The following LRCH4 variants were observed in gnomAD, a reference collection of about 807,000 sequenced individuals.
LRCH4 encodes the protein leucine rich repeats and calponin homology domain containing 4.
LRCH4 carries 56 observed loss-of-function variants against 81.2 expected under a neutral mutation model. The ratio of observed to expected loss-of-function variants is 0.69; its 90% CI spans 0.56 to 0.86. LRCH4 has a LOEUF of 0.86. Ranked by LOEUF, LRCH4 falls within the 40% of genes least tolerant of loss-of-function variation. The pLI is 0.00. For synonymous variants in LRCH4, 442 were observed against 409.7 expected (o/e 1.08, Z -0.95); for missense variants, 895 against 922.8 (o/e 0.97, Z 0.39).
At position 100,582,680 on chromosome 7, in the gene LRCH4, G is replaced by A. The variant is rs548285962; in HGVS notation, c.221-221C>T. ...GGAAGGCAAAGGCCTTAGCGTCACT[G>A]GGCTAGAGAAGCCTCAGACTTGGGG... On this transcript the variant is annotated intron_variant, in intron 1 of 17. Transcript: ENST00000310300. This position sits in a 1 kb window ranked among gnomAD's most constrained non-coding sequence, Gnocchi z 5.0. Among the ~76,000 whole-genome samples the A allele has an allele frequency of 7.2e-5, 11 of 152,334 alleles. No individual in the cohort carries two copies. The highest frequency in any genetic ancestry group is 1.3e-4 in the Non-Finnish European group (9 of 68,022).
chr7:100,580,101 C>G (rs1171379018), intron 4 of LRCH4: 1 of 152,270 alleles, frequency 6.6e-6, no homozygotes, highest in Non-Finnish European at 1.5e-5. Context: ...CCTGCCATGC[C>G]TGGCTCACCT....
At chr7:100,584,782 C>T (rs896624751) in intron 1 of LRCH4, 10 of 456,528 alleles carry the variant, frequency 2.2e-5, no homozygotes, top group African/African-American at 2.0e-4. Flanking sequence ...CTGAGTGTTC[C>T]CAGGTGAGCA....
chr7:100,578,592 ACC>A lies in LRCH4; in HGVS notation c.735+56_735+57del, dbSNP rs1005272715. On this transcript the variant is annotated intron_variant, in intron 5 of 17. Transcript: ENST00000310300. This position sits in a 1 kb window ranked among gnomAD's most constrained non-coding sequence, Gnocchi z 5.7. Reference sequence around the variant, plus strand: ...CCTGCTCAGCTATCCAAGGGGACCAACCCCACTCCTGCCTAGCCACACCCCTG... The same window carrying A: ...CCTGCTCAGCTATCCAAGGGGACCAACCACTCCTGCCTAGCCACACCCCTG... 22 of 1,600,540 alleles carry A rather than the reference ACC, an allele frequency of 1.4e-5. No individual in the cohort carries two copies. Among genetic ancestry groups the A allele is most frequent in the Non-Finnish European group, 1.8e-5 (21 of 1,172,422 alleles).
rs2131169017 is a variant in LRCH4 at position 100,577,422 on chromosome 7, C to T, written c.1179-33G>A. The T allele has an allele frequency of 6.2e-7, 1 of 1,600,514 alleles. No homozygotes were observed. The highest frequency in any genetic ancestry group is 2.2e-5 in the East Asian group (1 of 44,876). On this transcript the variant is annotated intron_variant, in intron 10 of 17. Transcript: ENST00000310300. This position sits in a 1 kb window ranked among gnomAD's most constrained non-coding sequence, Gnocchi z 6.7. The stretch of plus-strand genomic sequence containing the variant: ...ACCAAGACAGGGCAAGAGGGGCAGA[C>T]CCCGGGGTCAGGGAAGGAGGCGGTT...
intron 4 of LRCH4, 170 bp downstream of exon 4, chr7:100,581,607 A>G (rs1801561146): frequency 1.7e-6 from 1 of 601,098 alleles, no homozygotes; most frequent in South Asian, 2.1e-5. Context: ...GCACCCTGCC[A>G]GAAGCTGACC....
At chr7:100,580,446 A>ACACAC (rs749916842) in intron 4 of LRCH4, 3 of 139,998 alleles carry the variant, frequency 2.1e-5, no homozygotes, top group Admixed American at 7.1e-5. Context: ...ACACACACAC[A>ACACAC]AAACCCACAC....
rs1189212603 is a variant in LRCH4 at position 100,574,624 on chromosome 7, G to GCC, written c.*482_*483insGG. ...CCACCAACACGCGGAGCAGACGCGC[G>GCC]CGCGCGCGCACACACACACACACAG... On this transcript the variant is annotated 3_prime_UTR_variant, in exon 18 of 18. Transcript: ENST00000310300. The GCC allele has an allele frequency of 7.4e-6, 1 of 134,746 alleles. No homozygotes were observed. The highest frequency in any genetic ancestry group is 1.6e-5 in the Non-Finnish European group (1 of 62,126). 8.3% of individuals were successfully genotyped at this position (134,746 alleles called of 1,614,324 possible). A position where few individuals can be genotyped will look rare whatever the true frequency, so the allele number is the denominator to read the frequency against.
rs765028667 is a variant in LRCH4, at chr7:100,575,129, T to C, written c.2030A>G (p.Tyr677Cys). The change falls in exon 18 of 18, where the codon TAC becomes TGC. Residue 677 changes from tyrosine to cysteine, a missense_variant. Tyr to Cys is a radical substitution (Grantham distance 194). Transcript: ENST00000310300. This position sits in a 1 kb window ranked among gnomAD's most constrained non-coding sequence, Gnocchi z 5.3. ...GGCCTAGGAACCCAGGAGCCGAGTG[T>C]AGGTGACATAGAGCAGCAGCATGAG... ...VVLMLLLYVT[Y>C]TRLLGS The C allele has an allele frequency of 6.2e-7, 1 of 1,611,586 alleles. No homozygotes were observed. The highest frequency in any genetic ancestry group is 2.2e-5 in the East Asian group (1 of 44,790).
At chr7:100,584,471 T>C in intron 1 of LRCH4, among the ~76,000 whole-genome samples, 1 of 151,654 alleles carries the variant, frequency 6.6e-6, no homozygotes, top group East Asian at 2.0e-4. Context: ...CCGGGTAGTT[T>C]TCCCCAAGAG....
chr7:100,584,400 T>A (rs943406765), intron 1 of LRCH4, among the ~76,000 whole-genome samples: 4 of 150,702 alleles, frequency 2.7e-5, no homozygotes, highest in Non-Finnish European at 5.9e-5. Flanking sequence ...GGCTGCACCC[T>A]GAGCCGGAAT....
Position 100,583,086 on chromosome 7 carries a change from G to A in LRCH4, c.221-627C>T, listed in dbSNP as rs1801612550. ...ATAAAGTTACTGATTCCCAAGGGCTGGGAGGGAAGGGCAAGAAGACCTGGT... is the reference window on the plus strand; with the variant it reads ...ATAAAGTTACTGATTCCCAAGGGCTAGGAGGGAAGGGCAAGAAGACCTGGT... On this transcript the variant is annotated intron_variant, in intron 1 of 17. Transcript: ENST00000310300. This position sits in a 1 kb window ranked among gnomAD's most constrained non-coding sequence, Gnocchi z 4.3. Among the ~76,000 whole-genome samples, 1 of 152,208 alleles carries A rather than the reference G, an allele frequency of 6.6e-6. No homozygotes were observed. Among genetic ancestry groups the A allele is most frequent in the Admixed American group, 6.5e-5 (1 of 15,290 alleles).
rs772960601 is a variant in LRCH4 at position 100,581,747 on chromosome 7, ACCT to A, written c.598+27_598+29del. The stretch of plus-strand genomic sequence containing the variant: ...AGCCAACTGGGACGCACATACAAAC[ACCT>A]CCTCTCCAGTTCTTCATTCTTCTCA... On this transcript the variant is annotated intron_variant, in intron 4 of 17. Coordinates refer to ENST00000310300, the MANE Select transcript of LRCH4 (RefSeq NM_002319.5). 5 of 1,604,166 alleles carry A rather than the reference ACCT, an allele frequency of 3.1e-6. No homozygotes were observed. In the South Asian group the frequency reaches 5.5e-5, roughly 18 times the overall value.
In LRCH4 at chr7:100,577,523, C is replaced by T; in HGVS notation, c.1152G>A (p.Gly384=). 16 of 1,610,238 alleles carry T rather than the reference C, an allele frequency of 9.9e-6. No homozygotes were observed. The highest frequency in any genetic ancestry group is 1.4e-5 in the Non-Finnish European group (16 of 1,179,954). Residue 384 remains glycine, a synonymous_variant, in exon 10 of 18, where the codon GGG becomes GGA. Coordinates refer to ENST00000310300, the MANE Select transcript of LRCH4 (RefSeq NM_002319.5). The surrounding 1 kb of genome is among the most constrained non-coding windows in gnomAD (Gnocchi z 6.7). Reference sequence around the variant, plus strand: ...TGCTGCTTGGTGCCCTCTCCCTGTCCCCTGCCCCAGGGCTTAATTCGGGTG... The same window carrying T: ...TGCTGCTTGGTGCCCTCTCCCTGTCTCCTGCCCCAGGGCTTAATTCGGGTG... ...QRPPELSPGA[G]DRERAPSSRR...
intron 14 of LRCH4, 60 bp from the exon 15 acceptor site, chr7:100,576,383 G>T: frequency 7.9e-7 from 1 of 1,266,448 alleles, no homozygotes; most frequent in African/African-American, 1.5e-5. Context: ...TCTGTAGCTG[G>T]GTCCCAGTGG....
chr7:100,575,391 G>A lies in LRCH4; in HGVS notation c.1855-87C>T, dbSNP rs759894520. On this transcript the variant is annotated intron_variant, in intron 17 of 17. Coordinates refer to ENST00000310300, the MANE Select transcript of LRCH4 (RefSeq NM_002319.5). The surrounding 1 kb of genome is among the most constrained non-coding windows in gnomAD (Gnocchi z 5.3). ...CAGTCCCTCCCACCCCTGCCCTCAC[G>A]TGCTGGGGCCAGAACCACGCCCACA... is the stretch of plus-strand genomic sequence containing the variant. 2.3e-5 allele frequency: 29 copies of A among 1,272,446 alleles called. No individual in the cohort carries two copies. Among genetic ancestry groups the A allele is most frequent in the Middle Eastern group, 3.8e-4 (2 of 5,286 alleles). 78.8% of individuals were successfully genotyped at this position (1,272,446 alleles called of 1,614,324 possible).
At chr7:100,584,281 A>G in intron 1 of LRCH4, 1 of 455,750 alleles carries the variant, frequency 2.2e-6, no homozygotes, top group South Asian at 1.6e-5. Context: ...AATTCTGGAC[A>G]AGAGGGACCC....
chr7:100,583,593 G>A lies in LRCH4; in HGVS notation c.221-1134C>T, dbSNP rs574794874. Among the ~76,000 whole-genome samples, 2 of 152,334 alleles carry A rather than the reference G, an allele frequency of 1.3e-5. No individual in the cohort carries two copies. The highest frequency in any genetic ancestry group is 3.9e-4 in the East Asian group (2 of 5,174). ...CCCAAGGAAATGAGTCTTGTGACAG[G>A]AAATGAAGTAGAAACAATCTGTCAG... On this transcript the variant is annotated intron_variant, in intron 1 of 17. Transcript: ENST00000310300. This position sits in a 1 kb window ranked among gnomAD's most constrained non-coding sequence, Gnocchi z 4.3.
Position 100,583,989 on chromosome 7 carries a change from C to A in LRCH4, c.221-1530G>T. On this transcript the variant is annotated intron_variant, in intron 1 of 17. Transcript: ENST00000310300. The surrounding 1 kb of genome is among the most constrained non-coding windows in gnomAD (Gnocchi z 4.3). Reference sequence around the variant, plus strand: ...GAGAATGAGCTGCACTTCTCCTTTGCAAGATGGCCCCTCCCCGCCACCTCA... The same window carrying A: ...GAGAATGAGCTGCACTTCTCCTTTGAAAGATGGCCCCTCCCCGCCACCTCA... 2 of 364,404 alleles carry A rather than the reference C, an allele frequency of 5.5e-6. No homozygotes were observed. The highest frequency in any genetic ancestry group is 3.3e-5 in the Admixed American group (1 of 30,762). 22.6% of individuals were successfully genotyped at this position (364,404 alleles called of 1,614,324 possible).
In LRCH4 at chr7:100,578,194, C is replaced by T. The variant is rs142600009; in HGVS notation, c.913G>A (p.Val305Ile). 8.4e-5 allele frequency: 135 copies of T among 1,614,094 alleles called. No homozygotes were observed. The highest frequency in any genetic ancestry group is 1.1e-4 in the Non-Finnish European group (127 of 1,180,036). The change falls in exon 7 of 18, where the codon GTT (valine) becomes ATT (isoleucine). Residue 305 changes from valine (V) to isoleucine (I), a missense_variant. This residue lies in a region of LRCH4 where 6 missense variants were observed against 20.9 expected (regional missense o/e 0.29). Transcript: ENST00000310300. This position sits in a 1 kb window ranked among gnomAD's most constrained non-coding sequence, Gnocchi z 5.7. ...DGGLDSGFHS[V>I]DSGSKRWSGN... ...GACCACCTCTTGCTGCCACTATCAA[C>T]GCTGTGGAAGCCTGAGTCCAGCCCA...
Sources: allele counts gnomAD v4.1 joint callset (sites outside exome capture counted in the v4.1 genomes callset), GRCh38; gene constraint gnomAD v4.1.1; regional missense constraint gnomAD v4.1.1; non-coding constraint Gnocchi (gnomAD v3.1); transcripts MANE v1.5; gene names NCBI Gene and HGNC (gene_info 2026-07-23, HGNC 2026-07-21).